The following ADAM10 variants were observed in gnomAD, a reference collection of about 807,000 sequenced individuals.
ADAM10 encodes the protein ADAM metallopeptidase domain 10, also known as disintegrin and metalloproteinase domain-containing protein 10.
ADAM10 carries 17 observed loss-of-function variants against 90.1 expected under a neutral mutation model. That is an observed-to-expected ratio of 0.19 (90% CI 0.13 to 0.28). The LOEUF (loss-of-function observed/expected upper bound fraction) is 0.28. Ranked by LOEUF, ADAM10 falls within the 10% of genes least tolerant of loss-of-function variation. The pLI is 1.00. For missense variants in ADAM10, 610 were observed against 914.3 expected (o/e 0.67, Z 4.29); for synonymous variants, 310 against 298.6 (o/e 1.04, Z -0.40).
intron 9 of ADAM10, 139 bp downstream of exon 9, chr15:58,633,057 C>A (rs1365055426): frequency 1.2e-6 from 1 of 824,260 alleles, no homozygotes; most frequent in Non-Finnish European, 1.9e-6. Context: ...TCAGTATGGT[C>A]AAATACATTA....
At chr15:58,748,762 G>A in intron 1 of ADAM10, 1 of 396,050 alleles carries the variant, frequency 2.5e-6, no homozygotes, top group Non-Finnish European at 4.4e-6. Flanking sequence ...CTTTCCCCTG[G>A]GCGACAGAAT....
intron 10 of ADAM10, 29 bp from the exon 11 acceptor site, chr15:58,621,650 C>T: frequency 1.2e-6 from 2 of 1,612,394 alleles, no homozygotes; most frequent in Non-Finnish European, 8.5e-7. Context: ...ACAAAGTAAG[C>T]ATTGTGTGCA....
intron 8 of ADAM10, among the ~76,000 whole-genome samples, chr15:58,633,899 G>GT (rs1399395323): frequency 7.5e-6 from 1 of 132,706 alleles, no homozygotes; most frequent in Middle Eastern, 3.4e-3. Context: ...TGTCAAGAAG[G>GT]TTAAAAAAAA....
chr15:58,627,651 C>G (rs1431857958), intron 10 of ADAM10, 49 bp downstream of exon 10: 1 of 1,541,528 alleles, frequency 6.5e-7, no homozygotes, highest in African/African-American at 1.4e-5. Flanking sequence ...TTCAAGTTGT[C>G]TGAATGTTTG....
chr15:58,658,422 C>A (rs540425452), intron 5 of ADAM10, among the ~76,000 whole-genome samples: 2 of 152,068 alleles, frequency 1.3e-5, no homozygotes, highest in Admixed American at 6.6e-5. Flanking sequence ...TCTTAAAAAC[C>A]AAATACTATT....
chr15:58,665,210 G>A lies in ADAM10; in HGVS notation c.485-13C>T. The A allele has an allele frequency of 6.4e-7, 1 of 1,558,148 alleles. No individual in the cohort carries two copies. The highest frequency in any genetic ancestry group is 8.9e-7 in the Non-Finnish European group (1 of 1,129,330). On this transcript the variant is annotated splice_polypyrimidine_tract_variant and intron_variant, in intron 4 of 15. Coordinates refer to ENST00000260408, the MANE Select transcript of ADAM10 (RefSeq NM_001110.4). ...TTATGGGGATAGTCTAAAATACAAA[G>A]AAGAAACGTCATTACTATCACACAT...
intron 5 of ADAM10, among the ~76,000 whole-genome samples, chr15:58,661,428 C>T (rs1896964358): frequency 1.3e-5 from 2 of 152,002 alleles, no homozygotes; most frequent in South Asian, 2.1e-4. Flanking sequence ...ATATAGAATC[C>T]TAGTTTGGCA....
chr15:58,691,663 G>T, intron 2 of ADAM10: 1 of 329,956 alleles, frequency 3.0e-6, no homozygotes, highest in Non-Finnish European at 5.8e-6. Context: ...CTAAGCTCAA[G>T]CCACTTCTTC....
chr15:58,708,691 A>G (rs1220887648), intron 2 of ADAM10, among the ~76,000 whole-genome samples: 7 of 152,248 alleles, frequency 4.6e-5, no homozygotes, highest in Middle Eastern at 3.4e-3. Flanking sequence ...GGCATATAAC[A>G]CAACTATCTG....
In ADAM10 at chr15:58,590,724, C is replaced by T. The variant is rs1423440695; in HGVS notation, c.*6823G>A. On this transcript the variant is annotated 3_prime_UTR_variant, in exon 16 of 16. Transcript: ENST00000260408. Reference sequence around the variant, plus strand: ...GAAACACAAAGGCTAACTCCCATACCCAAAGGGCAAGGGAAGAAAACGATA... The same window carrying T: ...GAAACACAAAGGCTAACTCCCATACTCAAAGGGCAAGGGAAGAAAACGATA... 2.6e-5 allele frequency: 4 copies of T among 152,084 alleles called. No homozygotes were observed. Among genetic ancestry groups the T allele is most frequent in the African/African-American group, 9.7e-5 (4 of 41,418 alleles). The allele number at this position is 152,084 out of a possible 1,614,324, so 9.4% of individuals were successfully genotyped here. A position where few individuals can be genotyped will look rare whatever the true frequency, so the allele number is the denominator to read the frequency against.
At chr15:58,647,559 A>C (rs541352543) in intron 5 of ADAM10, among the ~76,000 whole-genome samples, 1 of 148,194 alleles carries the variant, frequency 6.7e-6, no homozygotes, top group African/African-American at 2.5e-5. Context: ...ACCCCCGCCA[A>C]GTATTTCTTT....
intron 14 of ADAM10, among the ~76,000 whole-genome samples, chr15:58,606,721 G>A (rs923771433): frequency 2.0e-5 from 3 of 152,136 alleles, no homozygotes; most frequent in Admixed American, 1.3e-4. Context: ...CAAACTATTA[G>A]CACGCACCAT....
intron 4 of ADAM10, among the ~76,000 whole-genome samples, chr15:58,677,994 C>T (rs1264702541): frequency 6.6e-6 from 1 of 151,874 alleles, no homozygotes. Context: ...CAGAAAGAAA[C>T]GAAAGCAAAG....
intron 7 of ADAM10, 145 bp from the exon 8 acceptor site, chr15:58,641,105 C>A: frequency 1.3e-6 from 1 of 753,276 alleles, no homozygotes; most frequent in South Asian, 1.5e-5. Flanking sequence ...GTTGTTCCCA[C>A]TGCCCACATC....
At chr15:58,655,081 G>C (rs1240042760) in intron 5 of ADAM10, among the ~76,000 whole-genome samples, 3 of 152,046 alleles carry the variant, frequency 2.0e-5, no homozygotes, top group African/African-American at 4.8e-5. Context: ...ATCCATTGCT[G>C]AAAGTGGGGT....
chr15:58,655,700 A>G (rs1168206250), intron 5 of ADAM10, among the ~76,000 whole-genome samples: 2 of 60,970 alleles, frequency 3.3e-5, no homozygotes, highest in East Asian at 1.9e-3. Flanking sequence ...TATATAGTAT[A>G]TATATATATA....
intron 2 of ADAM10, among the ~76,000 whole-genome samples, chr15:58,716,669 C>G (rs1355846005): frequency 6.6e-6 from 1 of 152,080 alleles, no homozygotes; most frequent in Non-Finnish European, 1.5e-5. Flanking sequence ...GATCAATAAG[C>G]TGACATGAAA....
chr15:58,689,208 G>C (rs1252349140), intron 2 of ADAM10, among the ~76,000 whole-genome samples: 1 of 152,118 alleles, frequency 6.6e-6, no homozygotes, highest in African/African-American at 2.4e-5. Flanking sequence ...CAAGCAGGCC[G>C]GGCGTGGTGG....
At chr15:58,681,799 T>C (rs138808402) in intron 3 of ADAM10, among the ~76,000 whole-genome samples, 2 of 152,334 alleles carry the variant, frequency 1.3e-5, no homozygotes, top group Non-Finnish European at 2.9e-5. Context: ...CAGATGACTC[T>C]GTCACATTAT....
Sources: allele counts gnomAD v4.1 joint callset (sites outside exome capture counted in the v4.1 genomes callset), GRCh38; gene constraint gnomAD v4.1.1; transcripts MANE v1.5; gene names NCBI Gene and HGNC (gene_info 2026-07-23, HGNC 2026-07-21).